ZFYVE28: variants seen among roughly 807,000 people sequenced by gnomAD.
ZFYVE28 encodes the protein lateral signaling target protein 2 homolog.
In ZFYVE28, 40 loss-of-function variants were observed where a neutral mutation model predicts 82.1. The ratio of observed to expected loss-of-function variants is 0.49; its 90% CI spans 0.38 to 0.63. The LOEUF (loss-of-function observed/expected upper bound fraction) is 0.63, where lower values mean the gene tolerates loss of function less well. Ranked by LOEUF, ZFYVE28 falls within the 30% of genes least tolerant of loss-of-function variation. The pLI is 0.00. For synonymous variants in ZFYVE28, 612 were observed against 546.1 expected (o/e 1.12, Z -1.68); for missense variants, 1,321 against 1,242.1 (o/e 1.06, Z -0.96).
Position 2,304,396 on chromosome 4 carries a change from C to G in ZFYVE28, c.1944G>C (p.Gly648=). 6.2e-7 allele frequency: 1 copy of G among 1,613,108 alleles called. No individual in the cohort carries two copies. Among genetic ancestry groups the G allele is most frequent in the Non-Finnish European group, 8.5e-7 (1 of 1,180,000 alleles). Residue 648 remains glycine (G), a synonymous_variant, in exon 8 of 13, where the codon GGG becomes GGC. Transcript: ENST00000290974. ...CTGCAACCCCAGCCTCTCCTTGCAG[C>G]CCACTCGCTGTGTCCACCTGGGAAC... The part of the protein sequence containing the change: ...TSGSQVDTAS[G]LQGEAGVAGQ...
At position 2,304,699 on chromosome 4, in the gene ZFYVE28, G is replaced by A. The variant is rs777365361; in HGVS notation, c.1641C>T (p.Gly547=). 126 of 1,612,460 alleles carry A rather than the reference G, an allele frequency of 7.8e-5. No homozygotes were observed. Among genetic ancestry groups the A allele is most frequent in the African/African-American group, 4.7e-4 (35 of 74,942 alleles). Residue 547 remains glycine, a synonymous_variant, in exon 8 of 13, where the codon GGC becomes GGT. Coordinates refer to ENST00000290974, the MANE Select transcript of ZFYVE28 (RefSeq NM_020972.3). The part of the protein sequence containing the change: ...ASEPVAEGMD[G]GPHKLSTGAT... ...CCCCAGTGCTAAGCTTGTGGGGGCC[G>A]CCATCCATCCCCTCGGCCACGGGCT...
chr4:2,342,512 G>C (rs1722973212), intron 2 of ZFYVE28: 1 of 152,184 alleles, frequency 6.6e-6, no homozygotes, highest in South Asian at 2.1e-4. Context: ...TCCAGCCTCA[G>C]CCTCCCGAGC....
At chr4:2,271,958 C>T (rs1182951363) in intron 10 of ZFYVE28, among the ~76,000 whole-genome samples, 179 bp from the exon 11 acceptor site, 1 of 152,214 alleles carries the variant, frequency 6.6e-6, no homozygotes. Flanking sequence ...GGCTGGGGGT[C>T]TTCCTGAGCA....
At chr4:2,354,793 G>A (rs1274194496) in intron 1 of ZFYVE28, among the ~76,000 whole-genome samples, 1 of 145,756 alleles carries the variant, frequency 6.9e-6, no homozygotes, top group African/African-American at 2.5e-5. Context: ...ACCAAAATAT[G>A]AAGTGGCCCA....
Position 2,320,271 on chromosome 4 carries a change from A to G in ZFYVE28, c.702T>C (p.Cys234=). 6.2e-7 allele frequency: 1 copy of G among 1,613,756 alleles called. No individual in the cohort carries two copies. The highest frequency in any genetic ancestry group is 1.1e-5 in the South Asian group (1 of 91,028). ...GTCCGTCCGCATAGACCACGAGGCC[A>G]CTGCATTTGAGACACAAAAGCCAGG... is the stretch of plus-strand genomic sequence containing the variant. ...MFSIPRLAIV[C]GLVVYADGPL... Residue 234 remains cysteine, a splice_region_variant and synonymous_variant, in exon 7 of 13, where the codon TGT becomes TGC. Transcript: ENST00000290974. The surrounding 1 kb of genome is among the most constrained non-coding windows in gnomAD (Gnocchi z 5.1).
Position 2,304,670 on chromosome 4 carries a change from G to C in ZFYVE28, c.1670C>G (p.Thr557Ser), listed in dbSNP as rs372218217. The change falls in exon 8 of 13, where the codon ACC becomes AGC. Residue 557 changes from threonine to serine, a missense_variant. Physicochemically the swap from Thr to Ser is moderately conservative, Grantham distance 58 (BLOSUM62 1). Coordinates refer to ENST00000290974, the MANE Select transcript of ZFYVE28 (RefSeq NM_020972.3). The part of the protein sequence containing the change: ...GGPHKLSTGA[T>S]NCLLHSCVCC... ...CACGCAGGAATGCAGAAGGCAGTTGGTGGCCCCAGTGCTAAGCTTGTGGGG... is the reference window on the plus strand; with the variant it reads ...CACGCAGGAATGCAGAAGGCAGTTGCTGGCCCCAGTGCTAAGCTTGTGGGG... The C allele has an allele frequency of 1.2e-6, 2 of 1,612,510 alleles. No homozygotes were observed. Among genetic ancestry groups the C allele is most frequent in the African/African-American group, 1.3e-5 (1 of 74,948 alleles).
At chr4:2,347,994 G>T (rs970614343) in intron 2 of ZFYVE28, among the ~76,000 whole-genome samples, 1 of 152,076 alleles carries the variant, frequency 6.6e-6, no homozygotes, top group African/African-American at 2.4e-5. Context: ...AAAGAGAAAA[G>T]ATTAAAGCAA....
chr4:2,348,781 T>G lies in ZFYVE28; in HGVS notation c.180+5152A>C, dbSNP rs561697862. Among the ~76,000 whole-genome samples, 13 of 152,350 alleles carry G rather than the reference T, an allele frequency of 8.5e-5. No homozygotes were observed. The South Asian group carries it at 2.7e-3, about 32-fold the overall frequency. Reference sequence around the variant, plus strand: ...TGCATTTTCTTAGCAACATATCTGATCTCTTCTCTATTTTTAAGAATCTAT... The same window carrying G: ...TGCATTTTCTTAGCAACATATCTGAGCTCTTCTCTATTTTTAAGAATCTAT... On this transcript the variant is annotated intron_variant, in intron 2 of 12. Transcript: ENST00000290974.
At chr4:2,410,233 G>A (rs1732371870) in intron 1 of ZFYVE28, among the ~76,000 whole-genome samples, 1 of 152,048 alleles carries the variant, frequency 6.6e-6, no homozygotes, top group African/African-American at 2.4e-5. Flanking sequence ...CACCCCAAAA[G>A]GAAACCCCAT....
intron 2 of ZFYVE28, among the ~76,000 whole-genome samples, chr4:2,350,034 GACAC>G (rs71644325): frequency 0.14 from 21,513 of 148,730 alleles, 1,671 homozygotes; most frequent in African/African-American, 0.17. Flanking sequence ...GTGACACACA[GACAC>G]ACACACACAC....
Position 2,270,599 on chromosome 4 carries a change from G to T in ZFYVE28, c.*126C>A. 1.5e-6 allele frequency: 2 copies of T among 1,378,492 alleles called. No individual in the cohort carries two copies. The highest frequency in any genetic ancestry group is 2.7e-5 in the South Asian group (2 of 74,170). 85.4% of individuals were successfully genotyped at this position (1,378,492 alleles called of 1,614,324 possible). On this transcript the variant is annotated 3_prime_UTR_variant, in exon 13 of 13. Transcript: ENST00000290974. ...CAGGACAGAGGCTCTGGATGCTCTGGAGGTCTGGGTGCCCCTGCAGCAGCG... is the reference window on the plus strand; with the variant it reads ...CAGGACAGAGGCTCTGGATGCTCTGTAGGTCTGGGTGCCCCTGCAGCAGCG...
intron 2 of ZFYVE28, among the ~76,000 whole-genome samples, chr4:2,345,679 T>C (rs1488321077): frequency 1.3e-5 from 2 of 151,232 alleles, no homozygotes; most frequent in Non-Finnish European, 2.9e-5. Context: ...TATAAACTCA[T>C]AGAACCAAGT....
intron 1 of ZFYVE28, among the ~76,000 whole-genome samples, chr4:2,382,240 C>G (rs1380292082): frequency 1.3e-5 from 2 of 152,230 alleles, no homozygotes; most frequent in African/African-American, 2.4e-5. Context: ...CACAGAGTCC[C>G]TACTGGGCAC....
chr4:2,297,661 G>A (rs1338675257), intron 8 of ZFYVE28, among the ~76,000 whole-genome samples: 1 of 152,264 alleles, frequency 6.6e-6, no homozygotes, highest in Non-Finnish European at 1.5e-5. Flanking sequence ...CAATCTGGGA[G>A]CAAGGTGAGC....
chr4:2,360,389 TCACACACACACACA>T (rs10545681), intron 1 of ZFYVE28, among the ~76,000 whole-genome samples: 3 of 143,290 alleles, frequency 2.1e-5, no homozygotes, highest in Non-Finnish European at 4.6e-5. Context: ...AGAGCTGTAA[TCACACACACACACA>T]CACACACACA....
chr4:2,351,833 G>A (rs1024571079), intron 2 of ZFYVE28, among the ~76,000 whole-genome samples: 6 of 152,184 alleles, frequency 3.9e-5, no homozygotes, highest in Non-Finnish European at 7.4e-5. Context: ...TTCTGGGGTT[G>A]GATTAATTTG....
At chr4:2,337,550 C>A (rs1722030554) in intron 4 of ZFYVE28, 54 bp from the exon 5 acceptor site, 1 of 1,454,038 alleles carries the variant, frequency 6.9e-7, no homozygotes, top group African/African-American at 1.4e-5. Flanking sequence ...CGGGGCCCCT[C>A]CAAAACAGAG....
chr4:2,339,401 C>A lies in ZFYVE28; in HGVS notation c.521+52G>T. ...TCAGGGTGAGCCCCGGAAGCTGGCACAACCGTCCCCCAGCTCATACAGCCA... is the reference window on the plus strand; with the variant it reads ...TCAGGGTGAGCCCCGGAAGCTGGCAAAACCGTCCCCCAGCTCATACAGCCA... On this transcript the variant is annotated intron_variant, in intron 4 of 12. Coordinates refer to ENST00000290974, the MANE Select transcript of ZFYVE28 (RefSeq NM_020972.3). The surrounding 1 kb of genome is among the most constrained non-coding windows in gnomAD (Gnocchi z 5.0). The A allele has an allele frequency of 6.4e-7, 1 of 1,574,242 alleles. No homozygotes were observed. Among genetic ancestry groups the A allele is most frequent in the Non-Finnish European group, 8.6e-7 (1 of 1,156,660 alleles).
At chr4:2,373,329 T>G (rs1227821153) in intron 1 of ZFYVE28, among the ~76,000 whole-genome samples, 1 of 151,524 alleles carries the variant, frequency 6.6e-6, no homozygotes, top group Non-Finnish European at 1.5e-5. Context: ...GAGACCTACA[T>G]CTCTACAAAA....
Sources: gnomAD v4.1 joint callset for allele counts (sites outside exome capture counted in the v4.1 genomes callset) on GRCh38, gnomAD v4.1.1 for gene constraint, Gnocchi (gnomAD v3.1) non-coding constraint, MANE v1.5 for transcripts, NCBI Gene and HGNC (gene_info 2026-07-23, HGNC 2026-07-21) for gene names.